The following DPH3 variants were observed in gnomAD, a reference collection of about 807,000 sequenced individuals.
The protein encoded by DPH3 is diphthamide biosynthesis protein 3.
A neutral mutation model predicts 10.2 loss-of-function variants in DPH3; 8 were observed. The ratio of observed to expected loss-of-function variants is 0.79; its 90% CI spans 0.46 to 1.42. The LOEUF (loss-of-function observed/expected upper bound fraction) is 1.42, where lower values mean the gene tolerates loss of function less well. Among genes scored for constraint, DPH3 ranks in the 40% most tolerant of loss-of-function variants. DPH3 has a pLI of 0.00. For synonymous variants in DPH3, 35 were observed against 35.6 expected (o/e 0.98, Z 0.06); for missense variants, 96 against 98.9 (o/e 0.97, Z 0.12).
rs752447007 is a variant in DPH3 at position 16,264,754 on chromosome 3, G to T, written c.108+15C>A. 4 of 1,613,088 alleles carry T rather than the reference G, an allele frequency of 2.5e-6. No homozygotes were observed. Among genetic ancestry groups the T allele is most frequent in the Non-Finnish European group, 3.4e-6 (4 of 1,179,372 alleles). ...GCTTGCTTGGGTGAACCGCCGGGCG[G>T]GACCCTGAAGTTACCTTGGTGATGG... On this transcript the variant is annotated intron_variant, in intron 1 of 2. Coordinates refer to ENST00000488423, the MANE Select transcript of DPH3 (RefSeq NM_206831.3).
In DPH3 at chr3:16,264,836, T is replaced by C. The variant is rs1343305640; in HGVS notation, c.41A>G (p.Gln14Arg). 4 of 1,614,226 alleles carry C rather than the reference T, an allele frequency of 2.5e-6. No individual in the cohort carries two copies. The highest frequency in any genetic ancestry group is 3.4e-6 in the Non-Finnish European group (4 of 1,180,046). The change falls in exon 1 of 3, where the codon CAA becomes CGA. Residue 14 changes from glutamine to arginine, a missense_variant. Transcript: ENST00000488423. ...FHDEVEIEDF[Q>R]YDEDSETYFY... Reference sequence around the variant, plus strand: ...ATACGTCTCCGAGTCCTCGTCATATTGGAAGTCCTCGATTTCCACCTCGTC... The same window carrying C: ...ATACGTCTCCGAGTCCTCGTCATATCGGAAGTCCTCGATTTCCACCTCGTC...
Position 16,264,904 on chromosome 3 carries a change from C to G in DPH3, c.-28G>C, listed in dbSNP as rs776188693. 6.2e-7 allele frequency: 1 copy of G among 1,612,404 alleles called. No homozygotes were observed. The highest frequency in any genetic ancestry group is 1.1e-5 in the South Asian group (1 of 90,986). On this transcript the variant is annotated 5_prime_UTR_variant, in exon 1 of 3. Transcript: ENST00000488423. The stretch of plus-strand genomic sequence containing the variant: ...TCAGCGGGGGTGGCCGAAGGGGTAA[C>G]GCCCCAGCAGTCCGAGGCCAGCTCC...
Position 16,264,853 on chromosome 3 carries a change from C to T in DPH3, c.24G>A (p.Val8=). Residue 8 remains valine (V), a synonymous_variant, in exon 1 of 3, where the codon GTG becomes GTA. Coordinates refer to ENST00000488423, the MANE Select transcript of DPH3 (RefSeq NM_206831.3). The part of the protein sequence containing the change: MAVFHDE[V]EIEDFQYDED... ...CGTCATATTGGAAGTCCTCGATTTC[C>T]ACCTCGTCATGAAACACTGCCATGG... The T allele has an allele frequency of 6.2e-7, 1 of 1,614,226 alleles. No individual in the cohort carries two copies. Among genetic ancestry groups the T allele is most frequent in the Non-Finnish European group, 8.5e-7 (1 of 1,180,034 alleles).
Position 16,260,617 on chromosome 3 carries a change from T to G in DPH3, c.*147A>C. 1.6e-6 allele frequency: 1 copy of G among 608,840 alleles called. No homozygotes were observed. The highest frequency in any genetic ancestry group is 2.9e-6 in the Non-Finnish European group (1 of 350,438). The allele number at this position is 608,840 out of a possible 1,614,324, so 37.7% of individuals were successfully genotyped here. A position where few individuals can be genotyped will look rare whatever the true frequency, so the allele number is the denominator to read the frequency against. ...ATGTTATGGACTTGCTTCCTGAAGA[T>G]GATATCAGCAGTTGATAGAAAGAAT... On this transcript the variant is annotated 3_prime_UTR_variant, in exon 3 of 3. Transcript: ENST00000488423.
chr3:16,264,817 C>A lies in DPH3; in HGVS notation c.60G>T (p.Glu20Asp). The A allele has an allele frequency of 6.2e-7, 1 of 1,614,234 alleles. No homozygotes were observed. Among genetic ancestry groups the A allele is most frequent in the South Asian group, 1.1e-5 (1 of 91,086 alleles). ...CACATGGGCAGGGATAGAAATACGT[C>A]TCCGAGTCCTCGTCATATTGGAAGT... The part of the protein sequence containing the change: ...IEDFQYDEDS[E>D]TYFYPCPCGD... The change falls in exon 1 of 3, where the codon GAG becomes GAT. Residue 20 changes from glutamate to aspartate, a missense_variant. By Grantham distance (45) the Glu-to-Asp change is conservative. Transcript: ENST00000488423.
rs2064312124 is a variant in DPH3 at position 16,263,146 on chromosome 3, G to C, written c.183+1009C>G. Among the ~76,000 whole-genome samples, 1 of 86,416 alleles carries C rather than the reference G, an allele frequency of 1.2e-5. No homozygotes were observed. Among genetic ancestry groups the C allele is most frequent in the African/African-American group, 6.9e-5 (1 of 14,426 alleles). The allele number at this position is 86,416 out of a possible 152,430, so 56.7% of individuals were successfully genotyped here. A position where few individuals can be genotyped will look rare whatever the true frequency, so the allele number is the denominator to read the frequency against. On this transcript the variant is annotated intron_variant, in intron 2 of 2. Coordinates refer to ENST00000488423, the MANE Select transcript of DPH3 (RefSeq NM_206831.3). The surrounding 1 kb of genome is among the most constrained non-coding windows in gnomAD (Gnocchi z 4.0). ...CACAACAAGAGCCTAAGTCCTTAAA[G>C]TGATCCACAACTTCTTACGCTACTC... is the stretch of plus-strand genomic sequence containing the variant.
In DPH3 at chr3:16,260,779, TTC is replaced by T. The variant is rs1559705689; in HGVS notation, c.232_233del (p.Glu78IlefsTer3). Reference sequence around the variant, plus strand: ...GAAGGCTTCTTCAGCATTTAACTAATTCTTTGTTGGCTGAAGGGGCTGGGACT... The same window carrying T: ...GAAGGCTTCTTCAGCATTTAACTAATTTTGTTGGCTGAAGGGGCTGGGACT... The part of the protein sequence containing the change: ...ETVPAPSANK[E>X]LVKC On this transcript the variant is annotated frameshift_variant, in exon 3 of 3. Coordinates refer to ENST00000488423, the MANE Select transcript of DPH3 (RefSeq NM_206831.3). LOFTEE classifies it high-confidence loss of function. 1.2e-6 allele frequency: 2 copies of T among 1,613,824 alleles called. No individual in the cohort carries two copies. The highest frequency in any genetic ancestry group is 1.7e-6 in the Non-Finnish European group (2 of 1,179,802).
rs2064312950 is a variant in DPH3 at position 16,263,165 on chromosome 3, G to A, written c.183+990C>T. The stretch of plus-strand genomic sequence containing the variant: ...CTTAAAGTGATCCACAACTTCTTAC[G>A]CTACTCTCATCCTGCTCTGCTCTGG... On this transcript the variant is annotated intron_variant, in intron 2 of 2. Transcript: ENST00000488423. This position sits in a 1 kb window ranked among gnomAD's most constrained non-coding sequence, Gnocchi z 4.0. Among the ~76,000 whole-genome samples, 1 of 134,760 alleles carries A rather than the reference G, an allele frequency of 7.4e-6. No homozygotes were observed. The highest frequency in any genetic ancestry group is 2.2e-4 in the East Asian group (1 of 4,598). 88.4% of individuals were successfully genotyped at this position (134,760 alleles called of 152,430 possible). A position where few individuals can be genotyped will look rare whatever the true frequency, so the allele number is the denominator to read the frequency against.
rs1383103084 is a variant in DPH3, at chr3:16,260,715, T to C, written c.*49A>G. ...CCAGTAGCTTTGCATTCGATATTTCTATCTGGGCTCATTCCAAATGTTCAG... is the reference window on the plus strand; with the variant it reads ...CCAGTAGCTTTGCATTCGATATTTCCATCTGGGCTCATTCCAAATGTTCAG... On this transcript the variant is annotated 3_prime_UTR_variant, in exon 3 of 3. Transcript: ENST00000488423. 2.0e-6 allele frequency: 3 copies of C among 1,533,826 alleles called. No homozygotes were observed. The highest frequency in any genetic ancestry group is 2.7e-6 in the Non-Finnish European group (3 of 1,110,400).
Position 16,263,475 on chromosome 3 carries a change from A to G in DPH3, c.183+680T>C, listed in dbSNP as rs1437109271. ...CATTTTAATACAAGAATGAATCATT[A>G]TATTTCTAAATTATAGTCTAAATTA... On this transcript the variant is annotated intron_variant, in intron 2 of 2. Coordinates refer to ENST00000488423, the MANE Select transcript of DPH3 (RefSeq NM_206831.3). This position sits in a 1 kb window ranked among gnomAD's most constrained non-coding sequence, Gnocchi z 4.0. 2.0e-5 allele frequency among the ~76,000 whole-genome samples: 3 copies of G among 152,226 alleles called. No individual in the cohort carries two copies. The highest frequency in any genetic ancestry group is 2.9e-5 in the Non-Finnish European group (2 of 68,034).
In DPH3 at chr3:16,257,540, A is replaced by C. The variant is rs2064259859; in HGVS notation, c.*3224T>G. Among the ~76,000 whole-genome samples the C allele has an allele frequency of 6.6e-6, 1 of 152,254 alleles. No homozygotes were observed. Among genetic ancestry groups the C allele is most frequent in the Non-Finnish European group, 1.5e-5 (1 of 68,034 alleles). On this transcript the variant is annotated 3_prime_UTR_variant, in exon 3 of 3. Transcript: ENST00000488423. ...CTAATTGCAGAATGAATGGGTTCAC[A>C]CAGCAACCCTGTCAAAGAGGTACTA...
rs555543208 is a variant in DPH3, at chr3:16,258,677, T to C, written c.*2087A>G. 6.6e-6 allele frequency: 1 copy of C among 152,320 alleles called. No individual in the cohort carries two copies. The highest frequency in any genetic ancestry group is 6.5e-5 in the Admixed American group (1 of 15,286). The allele number at this position is 152,320 out of a possible 1,614,324, so 9.4% of individuals were successfully genotyped here. On this transcript the variant is annotated 3_prime_UTR_variant, in exon 3 of 3. Coordinates refer to ENST00000488423, the MANE Select transcript of DPH3 (RefSeq NM_206831.3). The stretch of plus-strand genomic sequence containing the variant: ...TATGTTGCCCAGGCTAGTCTTGAAC[T>C]CCTGGCCTCACATGATCCTCCTGCC...
At chr3:16,264,124 C>A in intron 2 of DPH3, 31 bp downstream of exon 2, 3 of 1,529,272 alleles carry the variant, frequency 2.0e-6, no homozygotes, top group South Asian at 1.2e-5. Flanking sequence ...CTTACAATAC[C>A]CTTCCCCCGT....
At position 16,262,060 on chromosome 3, in the gene DPH3, C is replaced by G. The variant is rs1400738870; in HGVS notation, c.184-1231G>C. ...CTCTTCTCTCACTCCTTACTATTCA[C>G]TTGGGAAAACCTTAAACCTGGTTAA... On this transcript the variant is annotated intron_variant, in intron 2 of 2. Transcript: ENST00000488423. This position sits in a 1 kb window ranked among gnomAD's most constrained non-coding sequence, Gnocchi z 4.7. 6.6e-6 allele frequency among the ~76,000 whole-genome samples: 1 copy of G among 152,184 alleles called. No individual in the cohort carries two copies. Among genetic ancestry groups the G allele is most frequent in the East Asian group, 1.9e-4 (1 of 5,194 alleles).
chr3:16,264,257 C>A (rs1452774197), intron 1 of DPH3, 28 bp from the exon 2 acceptor site: 1 of 1,576,860 alleles, frequency 6.3e-7, no homozygotes, highest in Admixed American at 1.7e-5. Context: ...ACCATGTGGT[C>A]AGGATAGCTT....
rs2064368185 is a variant in DPH3 at position 16,264,682 on chromosome 3, C to T, written c.108+87G>A. On this transcript the variant is annotated intron_variant, in intron 1 of 2. Coordinates refer to ENST00000488423, the MANE Select transcript of DPH3 (RefSeq NM_206831.3). ...GAAAGAGGGCGTGGGTGACACAGCG[C>T]AGCAAAGGCTACCCAATGATGGAAG... 6.1e-6 allele frequency: 8 copies of T among 1,304,638 alleles called. No individual in the cohort carries two copies. In the South Asian group the frequency reaches 7.9e-5, roughly 13 times the overall value. 80.8% of individuals were successfully genotyped at this position (1,304,638 alleles called of 1,614,324 possible).
intron 1 of DPH3, 140 bp from the exon 2 acceptor site, chr3:16,264,369 C>T: frequency 3.6e-6 from 2 of 558,390 alleles, no homozygotes; most frequent in East Asian, 3.0e-5. Flanking sequence ...GGGCCTTCAG[C>T]GAGAAATGCC....
chr3:16,264,865 A>G lies in DPH3; in HGVS notation c.12T>C (p.Phe4=), dbSNP rs780247320. 7 of 1,614,090 alleles carry G rather than the reference A, an allele frequency of 4.3e-6. No homozygotes were observed. The highest frequency in any genetic ancestry group is 5.9e-6 in the Non-Finnish European group (7 of 1,180,034). Residue 4 remains phenylalanine, a synonymous_variant, in exon 1 of 3, where the codon TTT becomes TTC. Transcript: ENST00000488423. The stretch of plus-strand genomic sequence containing the variant: ...AGTCCTCGATTTCCACCTCGTCATG[A>G]AACACTGCCATGGTCAGCGGGGGTG... The part of the protein sequence containing the change: MAV[F]HDEVEIEDFQ...
At chr3:16,260,985 A>G (rs1464951302) in intron 2 of DPH3, among the ~76,000 whole-genome samples, 156 bp from the exon 3 acceptor site, 1 of 152,248 alleles carries the variant, frequency 6.6e-6, no homozygotes, top group Non-Finnish European at 1.5e-5. Context: ...CAATGACAGC[A>G]CCAGAAGTAG....
Sources: allele counts gnomAD v4.1 joint callset (sites outside exome capture counted in the v4.1 genomes callset), GRCh38; gene constraint gnomAD v4.1.1; non-coding constraint Gnocchi (gnomAD v3.1); transcripts MANE v1.5; gene names NCBI Gene and HGNC (gene_info 2026-07-23, HGNC 2026-07-21).